Variants in STIM2 observed in about 807,000 individuals in gnomAD.
The protein encoded by STIM2 is stromal interaction molecule 2.
In STIM2, 31 loss-of-function variants were observed where a neutral mutation model predicts 85.8. The observed-to-expected ratio is 0.36, with a 90% CI of 0.27 to 0.49. The LOEUF is 0.49. Ranked by LOEUF, STIM2 falls within the 20% of genes least tolerant of loss-of-function variation. The pLI, the probability that STIM2 is intolerant of heterozygous loss-of-function variation, is 0.98. For missense variants in STIM2, 841 were observed against 927.6 expected, an observed-to-expected ratio of 0.91 and a Z score of 1.21; for synonymous variants, 356 against 331.1, an observed-to-expected ratio of 1.08 and a Z score of -0.82.
chr4:26,942,631 T>G (rs77824893), intron 2 of STIM2, among the ~76,000 whole-genome samples: 1,768 of 152,314 alleles, frequency 0.012, 14 homozygotes, highest in Non-Finnish European at 0.018. Context: ...TATCACTCAC[T>G]AGTGTCATGA....
Position 26,861,000 on chromosome 4 carries a change from G to A in STIM2, c.-219G>A. ...CAGAGCTCCGGAGGCCGCCGGTGCC[G>A]ATGGGACCAGGCTGGCGCCCGGCGG... On this transcript the variant is annotated 5_prime_UTR_variant, in exon 1 of 12. Coordinates refer to ENST00000467087, the MANE Select transcript of STIM2 (RefSeq NM_020860.4). 7.7e-7 allele frequency: 1 copy of A among 1,293,132 alleles called. No homozygotes were observed. 80.1% of individuals were successfully genotyped at this position (1,293,132 alleles called of 1,614,324 possible). A position where few individuals can be genotyped will look rare whatever the true frequency, so the allele number is the denominator to read the frequency against.
Position 27,022,719 on chromosome 4 carries a change from G to T in STIM2, c.1964G>T (p.Gly655Val), listed in dbSNP as rs969346727. 2 of 1,613,774 alleles carry T rather than the reference G, an allele frequency of 1.2e-6. No individual in the cohort carries two copies. The highest frequency in any genetic ancestry group is 2.7e-5 in the African/African-American group (2 of 74,868). The change falls in exon 12 of 12, where the codon GGT becomes GTT. Residue 655 changes from glycine (G) to valine (V), a missense_variant. Around this residue, in one of 3 missense-constraint regions of STIM2, gnomAD observed 293 missense variants for 284.5 expected, o/e 1.03. Transcript: ENST00000467087. The stretch of plus-strand genomic sequence containing the variant: ...TCTTGGGGTTCTCCCGACTGTGTAG[G>T]TCTGACAGAAACTAAGAGTATGATC...
At chr4:26,897,706 AAAT>A in intron 1 of STIM2, among the ~76,000 whole-genome samples, 1 of 152,322 alleles carries the variant, frequency 6.6e-6, no homozygotes, top group Non-Finnish European at 1.5e-5. Context: ...TTTAATTTAA[AAAT>A]AATTCCTTAA....
chr4:27,017,613 A>G, intron 10 of STIM2, 98 bp from the exon 11 acceptor site: 3 of 1,425,550 alleles, frequency 2.1e-6, no homozygotes, highest in Non-Finnish European at 2.9e-6. Context: ...AAACAGTGAC[A>G]TATTAGTGAC....
chr4:26,994,225 T>G (rs1323755384), intron 3 of STIM2, among the ~76,000 whole-genome samples: 2 of 152,144 alleles, frequency 1.3e-5, no homozygotes, highest in Non-Finnish European at 2.9e-5. Context: ...AATGCATACT[T>G]CAAACATAAC....
chr4:26,901,930 A>C (rs1222745451), intron 1 of STIM2, among the ~76,000 whole-genome samples: 1 of 152,178 alleles, frequency 6.6e-6, no homozygotes, highest in Admixed American at 6.5e-5. Flanking sequence ...TTAAGAGTGC[A>C]GAGTAGGAAG....
chr4:26,861,301 C>T lies in STIM2; in HGVS notation c.83C>T (p.Thr28Ile), dbSNP rs1437307687. ...CGGCACCTCCGCGGGCGGCGGGCGA[C>T]TGGCTCTGCCGCAACTGCCGCCTCC... is the stretch of plus-strand genomic sequence containing the variant. Residue 28 changes from threonine to isoleucine, a missense_variant, in exon 1 of 12, where the codon ACT becomes ATT. By Grantham distance (89) the Thr-to-Ile change is moderately conservative. Coordinates refer to ENST00000467087, the MANE Select transcript of STIM2 (RefSeq NM_020860.4). 2.1e-6 allele frequency: 3 copies of T among 1,440,648 alleles called. No homozygotes were observed. Among genetic ancestry groups the T allele is most frequent in the Non-Finnish European group, 2.7e-6 (3 of 1,100,516 alleles). The allele number at this position is 1,440,648 out of a possible 1,614,324, so 89.2% of individuals were successfully genotyped here. A position where few individuals can be genotyped will look rare whatever the true frequency, so the allele number is the denominator to read the frequency against.
intron 2 of STIM2, among the ~76,000 whole-genome samples, chr4:26,942,414 T>A (rs1042914400): frequency 3.3e-5 from 5 of 152,134 alleles, no homozygotes; most frequent in Non-Finnish European, 7.4e-5. Flanking sequence ...ACTTCTTGAC[T>A]CTCCTTCTCC....
chr4:26,882,612 C>T (rs1577413526), intron 1 of STIM2, among the ~76,000 whole-genome samples: 2 of 151,956 alleles, frequency 1.3e-5, no homozygotes, highest in South Asian at 4.2e-4. Flanking sequence ...CAGGCATGTG[C>T]CACCATACCC....
At chr4:26,999,174 C>A in intron 4 of STIM2, 58 bp from the exon 5 acceptor site, 1 of 705,428 alleles carries the variant, frequency 1.4e-6, no homozygotes, top group African/African-American at 1.9e-5. Flanking sequence ...AATTTGTATA[C>A]TAGAAATATT....
chr4:26,956,028 G>A (rs1181437976), intron 2 of STIM2, among the ~76,000 whole-genome samples: 1 of 152,166 alleles, frequency 6.6e-6, no homozygotes, highest in Non-Finnish European at 1.5e-5. Context: ...TGTTTTGTCT[G>A]AAGGTGATGT....
At chr4:26,913,596 A>G (rs1724420909) in intron 1 of STIM2, among the ~76,000 whole-genome samples, 1 of 152,204 alleles carries the variant, frequency 6.6e-6, no homozygotes, top group Admixed American at 6.5e-5. Flanking sequence ...CTTAGGTTTA[A>G]ATTCAGTGTT....
rs1014278924 is a variant in STIM2 at position 27,023,442 on chromosome 4, C to T, written c.*446C>T. ...ACTATATAACTTAAAAGAAGTAAAA[C>T]GTAATTGCACTACTGTTTTCCAGAC... On this transcript the variant is annotated 3_prime_UTR_variant, in exon 12 of 12. Transcript: ENST00000467087. 25 of 152,894 alleles carry T rather than the reference C, an allele frequency of 1.6e-4. 1 individual carries two copies. Among genetic ancestry groups the T allele is most frequent in the Admixed American group, 9.0e-4 (14 of 15,610 alleles). 9.5% of individuals were successfully genotyped at this position (152,894 alleles called of 1,614,324 possible).
At chr4:26,978,274 T>C (rs1050073366) in intron 3 of STIM2, among the ~76,000 whole-genome samples, 1 of 143,320 alleles carries the variant, frequency 7.0e-6, no homozygotes, top group Non-Finnish European at 1.6e-5. Flanking sequence ...TTAAATCATA[T>C]ATATATTTTC....
In STIM2 at chr4:26,966,455, C is replaced by T. The variant is rs573011584; in HGVS notation, c.397+8729C>T. 2.0e-4 allele frequency among the ~76,000 whole-genome samples: 30 copies of T among 152,256 alleles called. No homozygotes were observed. In the South Asian group the frequency reaches 5.4e-3, roughly 27 times the overall value. The stretch of plus-strand genomic sequence containing the variant: ...TAAAGGACTTGTTTGTTGAGAATGA[C>T]ATTGTCTTCAAAGATGGTCAGTTAA... On this transcript the variant is annotated intron_variant, in intron 3 of 11. Coordinates refer to ENST00000467087, the MANE Select transcript of STIM2 (RefSeq NM_020860.4).
chr4:27,008,357 T>A, intron 8 of STIM2, 71 bp from the exon 9 acceptor site: 2 of 879,394 alleles, frequency 2.3e-6, no homozygotes, highest in Non-Finnish European at 3.4e-6. Flanking sequence ...ACAAACTTTA[T>A]TATGTTATAT....
chr4:26,995,410 G>C lies in STIM2; in HGVS notation c.429G>C (p.Gln143His), dbSNP rs371543285. 6.3e-7 allele frequency: 1 copy of C among 1,598,018 alleles called. No homozygotes were observed. The highest frequency in any genetic ancestry group is 1.4e-5 in the African/African-American group (1 of 73,704). ...ATTGGACCCTTGAAGACACTCTTCA[G>C]TGGTTGATAGAGTTTGTTGAACTAC... The change falls in exon 4 of 12, where the codon CAG becomes CAC. Residue 143 changes from glutamine (Q) to histidine (H), a missense_variant. By Grantham distance (24) the Gln-to-His change is conservative. This residue lies in a region of STIM2 where 408 missense variants were observed against 525.4 expected (regional missense o/e 0.78). Coordinates refer to ENST00000467087, the MANE Select transcript of STIM2 (RefSeq NM_020860.4).
rs1468776298 is a variant in STIM2, at chr4:27,023,473, A to AC, written c.*477_*478insC. 1 of 157,064 alleles carries AC rather than the reference A, an allele frequency of 6.4e-6. No homozygotes were observed. The highest frequency in any genetic ancestry group is 6.1e-5 in the Admixed American group (1 of 16,464). 9.7% of individuals were successfully genotyped at this position (157,064 alleles called of 1,614,324 possible). On this transcript the variant is annotated 3_prime_UTR_variant, in exon 12 of 12. Transcript: ENST00000467087. ...TGCACTACTGTTTTCCAGACTGGAA[A>AC]AAAAAAAAATCTCTGCAAGTGAAAC... is the stretch of plus-strand genomic sequence containing the variant.
intron 3 of STIM2, among the ~76,000 whole-genome samples, chr4:26,984,440 A>G (rs1251469665): frequency 1.3e-5 from 2 of 152,144 alleles, no homozygotes; most frequent in Non-Finnish European, 2.9e-5. Flanking sequence ...GGCTCACTGC[A>G]ACCTCCGTGT....
Sources: gnomAD v4.1 joint callset for allele counts (sites outside exome capture counted in the v4.1 genomes callset) on GRCh38, gnomAD v4.1.1 for gene constraint, gnomAD v4.1.1 regional missense constraint, MANE v1.5 for transcripts, NCBI Gene and HGNC (gene_info 2026-07-23, HGNC 2026-07-21) for gene names.